The following SSH2 variants were observed in gnomAD, a reference collection of about 807,000 sequenced individuals.
The protein encoded by SSH2 is protein phosphatase Slingshot homolog 2.
SSH2 carries 37 observed loss-of-function variants against 135.2 expected under a neutral mutation model. The observed-to-expected ratio is 0.27, with a 90% CI of 0.21 to 0.36. The LOEUF is 0.36. Ranked by LOEUF, SSH2 falls within the 10% of genes least tolerant of loss-of-function variation. The probability of loss-of-function intolerance (pLI) is 1.00; values close to 1 mark genes in which losing one functional copy is unlikely to be tolerated. For missense variants in SSH2, 1,408 were observed against 1,765.3 expected, an observed-to-expected ratio of 0.80 and a Z score of 3.63; for synonymous variants, 628 against 646.2, an observed-to-expected ratio of 0.97 and a Z score of 0.43.
chr17:29,679,781 T>G (rs1258795654), intron 6 of SSH2, among the ~76,000 whole-genome samples: 13 of 152,222 alleles, frequency 8.5e-5, no homozygotes, highest in Non-Finnish European at 8.8e-5. Flanking sequence ...GATAAAAATA[T>G]CTTCTTCATT....
At chr17:29,916,512 G>A (rs1438039991) in intron 1 of SSH2, among the ~76,000 whole-genome samples, 1 of 150,520 alleles carries the variant, frequency 6.6e-6, no homozygotes, top group Non-Finnish European at 1.5e-5. Context: ...TGTCACCCAG[G>A]CTGGAGTGCA....
At chr17:29,662,008 C>T (rs2037065218) in intron 11 of SSH2, among the ~76,000 whole-genome samples, 1 of 152,168 alleles carries the variant, frequency 6.6e-6, no homozygotes, top group South Asian at 2.1e-4. Flanking sequence ...TTCCGGGGCT[C>T]TTTGCAGACC....
chr17:29,896,908 AG>A (rs1379671745), intron 1 of SSH2, among the ~76,000 whole-genome samples: 2 of 151,984 alleles, frequency 1.3e-5, no homozygotes, highest in African/African-American at 4.8e-5. Flanking sequence ...ATCATATTCC[AG>A]ACACTAAGGG....
chr17:29,735,118 C>A (rs529119742), intron 3 of SSH2, among the ~76,000 whole-genome samples: 1 of 152,194 alleles, frequency 6.6e-6, no homozygotes, highest in South Asian at 2.1e-4. Context: ...ATGTTCTACT[C>A]ATATATAGGC....
intron 3 of SSH2, among the ~76,000 whole-genome samples, chr17:29,769,348 T>G (rs2041517722): frequency 6.6e-6 from 1 of 152,158 alleles, no homozygotes; most frequent in Non-Finnish European, 1.5e-5. Flanking sequence ...CCTGACTGCA[T>G]CTGGTATTTT....
At chr17:29,756,171 G>C (rs918653701) in intron 3 of SSH2, among the ~76,000 whole-genome samples, 4 of 151,434 alleles carry the variant, frequency 2.6e-5, no homozygotes, top group African/African-American at 9.7e-5. Context: ...TACTCGGGAG[G>C]CTGAGGCAAA....
chr17:29,887,201 G>A (rs567358319), intron 1 of SSH2, among the ~76,000 whole-genome samples: 25 of 152,194 alleles, frequency 1.6e-4, no homozygotes, highest in African/African-American at 6.0e-4. Context: ...GAGATCAGTA[G>A]TAGTGTTATA....
At chr17:29,814,432 C>CAA (rs1179862061) in intron 2 of SSH2, among the ~76,000 whole-genome samples, 1,866 of 38,850 alleles carry the variant, frequency 0.048, 309 homozygotes, top group African/African-American at 0.16. Flanking sequence ...GACTCTGTCT[C>CAA]AAAAAAAAAA....
chr17:29,731,582 A>G (rs1436375681), intron 3 of SSH2, among the ~76,000 whole-genome samples: 1 of 152,028 alleles, frequency 6.6e-6, no homozygotes, highest in African/African-American at 2.4e-5. Context: ...CAGCCTCCTG[A>G]GTAGCTGGGA....
At chr17:29,665,242 G>T (rs1440548300) in intron 11 of SSH2, among the ~76,000 whole-genome samples, 1 of 152,152 alleles carries the variant, frequency 6.6e-6, no homozygotes, top group African/African-American at 2.4e-5. Flanking sequence ...AAATGGAAAA[G>T]CCAATGACAG....
chr17:29,778,128 G>A (rs144875825), intron 3 of SSH2, among the ~76,000 whole-genome samples: 42 of 152,088 alleles, frequency 2.8e-4, no homozygotes, highest in African/African-American at 9.6e-4. Flanking sequence ...ATACATAAAT[G>A]TTTTGCATGG....
intron 2 of SSH2, among the ~76,000 whole-genome samples, chr17:29,804,316 T>C (rs2729451): frequency 0.6 from 91,416 of 152,078 alleles, 29,982 homozygotes; most frequent in African/African-American, 0.87. Context: ...GTGTTTCTTT[T>C]AAACTCCTTT....
chr17:29,662,469 A>AT (rs1485241976), intron 11 of SSH2, among the ~76,000 whole-genome samples: 1 of 152,240 alleles, frequency 6.6e-6, no homozygotes, highest in East Asian at 1.9e-4. Context: ...TAAGCTGTTT[A>AT]TTAACTTTTC....
chr17:29,829,666 ACCT>A (rs2042806770), intron 2 of SSH2, among the ~76,000 whole-genome samples: 1 of 152,004 alleles, frequency 6.6e-6, no homozygotes, highest in Non-Finnish European at 1.5e-5. Context: ...TGTACAGAGT[ACCT>A]CCTATGTGCT....
intron 8 of SSH2, among the ~76,000 whole-genome samples, chr17:29,672,570 T>C (rs1012687049): frequency 6.6e-6 from 1 of 152,218 alleles, no homozygotes; most frequent in Non-Finnish European, 1.5e-5. Flanking sequence ...AAAGATCACA[T>C]AGATAGATGT....
At chr17:29,913,120 C>A (rs1173198544) in intron 1 of SSH2, among the ~76,000 whole-genome samples, 1 of 150,166 alleles carries the variant, frequency 6.7e-6, no homozygotes, top group Non-Finnish European at 1.5e-5. Flanking sequence ...GAGTTTGAGA[C>A]CAGCCTGGCC....
At chr17:29,690,816 A>G (rs560181908) in intron 5 of SSH2, among the ~76,000 whole-genome samples, 9 of 152,284 alleles carry the variant, frequency 5.9e-5, no homozygotes, top group African/African-American at 2.2e-4. Context: ...TGACATGGAA[A>G]GATATCCATG....
At chr17:29,783,196 G>T (rs199606882) in intron 3 of SSH2, among the ~76,000 whole-genome samples, 3 of 150,908 alleles carry the variant, frequency 2.0e-5, no homozygotes, top group Non-Finnish European at 4.4e-5. Context: ...GGGGTCATTC[G>T]GTTGTTAGAA....
intron 1 of SSH2, among the ~76,000 whole-genome samples, chr17:29,927,346 T>C (rs946712283): frequency 1.3e-5 from 2 of 152,154 alleles, no homozygotes; most frequent in East Asian, 1.9e-4. Context: ...AAGATCCTGA[T>C]GAACAGGTCA....
Sources: gnomAD v4.1 joint callset for allele counts (sites outside exome capture counted in the v4.1 genomes callset) on GRCh38, gnomAD v4.1.1 for gene constraint, MANE v1.5 for transcripts, NCBI Gene and HGNC (gene_info 2026-07-23, HGNC 2026-07-21) for gene names.